PDXK: variants seen among roughly 807,000 people sequenced by gnomAD.
PDXK encodes the protein pyridoxal kinase, also known as epididymis secretory sperm binding protein Li 1a.
In PDXK, 15 loss-of-function variants were observed where a neutral mutation model predicts 43.2. That is an observed-to-expected ratio of 0.35 (90% confidence interval 0.23 to 0.53). PDXK has a LOEUF of 0.53. Among genes scored for constraint, PDXK ranks in the 20% least tolerant of loss-of-function variants. The pLI, the probability that PDXK is intolerant of heterozygous loss-of-function variation, is 0.92. For synonymous variants in PDXK, 172 were observed against 165.4 expected (o/e 1.04, Z -0.31); for missense variants, 343 against 417.0 (o/e 0.82, Z 1.54).
intron 8 of PDXK, 146 bp downstream of exon 8, chr21:43,752,775 C>T (rs772468436): frequency 1.5e-4 from 92 of 615,670 alleles, no homozygotes; most frequent in Non-Finnish European, 2.5e-4. Flanking sequence ...TACAGACTCT[C>T]AGGGATCAGG....
rs2083663851 is a variant in PDXK at position 43,747,795 on chromosome 21, C to T, written c.379-1200C>T. ...TGAACAAGAGTGGCCTAAACACGAG[C>T]TCCTGTCTCAGATGAGCGGTCACCC... On this transcript the variant is annotated intron_variant, in intron 5 of 10. Transcript: ENST00000291565. Among the ~76,000 whole-genome samples the T allele has an allele frequency of 3.3e-5, 5 of 152,238 alleles. No homozygotes were observed. In the South Asian group the frequency reaches 8.3e-4, roughly 25 times the overall value.
rs907135526 is a variant in PDXK at position 43,734,227 on chromosome 21, G to A, written c.142+104G>A. The A allele has an allele frequency of 1.3e-5, 14 of 1,095,024 alleles. No individual in the cohort carries two copies. The highest frequency in any genetic ancestry group is 1.8e-5 in the Admixed American group (1 of 56,498). The allele number at this position is 1,095,024 out of a possible 1,614,324, so 67.8% of individuals were successfully genotyped here. A position where few individuals can be genotyped will look rare whatever the true frequency, so the allele number is the denominator to read the frequency against. On this transcript the variant is annotated intron_variant, in intron 2 of 10. Coordinates refer to ENST00000291565, the MANE Select transcript of PDXK (RefSeq NM_003681.5). The surrounding 1 kb of genome is among the most constrained non-coding windows in gnomAD (Gnocchi z 5.0). ...GGGGCGGAGTGTGGGTGTGAGGGACGGGGCTTTCGTGTGGACGGGGACCTG... is the reference window on the plus strand; with the variant it reads ...GGGGCGGAGTGTGGGTGTGAGGGACAGGGCTTTCGTGTGGACGGGGACCTG...
intron 10 of PDXK, 68 bp downstream of exon 10, chr21:43,755,832 G>T (rs1419743100): frequency 4.7e-6 from 7 of 1,494,978 alleles, no homozygotes; most frequent in Non-Finnish European, 6.5e-6. Flanking sequence ...GAGAAGAGCT[G>T]GCACGTGCTG....
chr21:43,729,771 C>A (rs1601787950), intron 1 of PDXK, among the ~76,000 whole-genome samples: 1 of 151,990 alleles, frequency 6.6e-6, no homozygotes. Context: ...CAATATTTCT[C>A]CACAAAAAAT....
rs559931857 is a variant in PDXK, at chr21:43,760,173, T to G, written c.*4110T>G. 2,644 of 147,852 alleles carry G rather than the reference T, an allele frequency of 0.018. 34 individuals carry two copies. Among genetic ancestry groups the G allele is most frequent in the Middle Eastern group, 0.079 (21 of 266 alleles). 9.2% of individuals were successfully genotyped at this position (147,852 alleles called of 1,614,324 possible). A position where few individuals can be genotyped will look rare whatever the true frequency, so the allele number is the denominator to read the frequency against. ...GAGGTGGGAATCTTGGATTTTTTGT[T>G]TTTTTTTGTTTTTTTTTTTTTGAGG... is the stretch of plus-strand genomic sequence containing the variant. On this transcript the variant is annotated 3_prime_UTR_variant, in exon 11 of 11. Coordinates refer to ENST00000291565, the MANE Select transcript of PDXK (RefSeq NM_003681.5).
chr21:43,744,119 T>A (rs1206300308), intron 4 of PDXK, among the ~76,000 whole-genome samples: 1 of 151,480 alleles, frequency 6.6e-6, no homozygotes. Context: ...GTTGTGTGAC[T>A]ACACTCACCC....
chr21:43,729,226 G>T (rs1484890660), intron 1 of PDXK, among the ~76,000 whole-genome samples: 1 of 152,272 alleles, frequency 6.6e-6, no homozygotes, highest in African/African-American at 2.4e-5. Flanking sequence ...AGACAGCCAG[G>T]CTGTCCTGTG....
rs765826929 is a variant in PDXK, at chr21:43,732,413, G to A, written c.88-1656G>A. 1.7e-5 allele frequency: 28 copies of A among 1,612,884 alleles called. No homozygotes were observed. The highest frequency in any genetic ancestry group is 6.7e-5 in the East Asian group (3 of 44,886). ...TCTGGAAGCGTCCAGACCAGCTTGC[G>A]ATGCTGATGAATAAGCTGATTTTGA... On this transcript the variant is annotated intron_variant, in intron 1 of 10. Coordinates refer to ENST00000291565, the MANE Select transcript of PDXK (RefSeq NM_003681.5). The surrounding 1 kb of genome is among the most constrained non-coding windows in gnomAD (Gnocchi z 4.1).
intron 1 of PDXK, among the ~76,000 whole-genome samples, chr21:43,726,865 GTGTA>G (rs907269557): frequency 2.0e-5 from 3 of 152,148 alleles, no homozygotes; most frequent in Admixed American, 1.3e-4. Context: ...CATGGTGTGT[GTGTA>G]TGTGGGTGTG....
At chr21:43,731,399 CAG>C (rs1405333162) in intron 1 of PDXK, among the ~76,000 whole-genome samples, 16 of 152,250 alleles carry the variant, frequency 1.1e-4, no homozygotes, top group African/African-American at 3.1e-4. Context: ...CACCCACACT[CAG>C]GGGGTTGCCC....
chr21:43,743,941 A>G (rs2083592220), intron 4 of PDXK, 134 bp downstream of exon 4: 1 of 678,268 alleles, frequency 1.5e-6, no homozygotes, highest in Admixed American at 2.3e-5. Flanking sequence ...CGGGCCAGTG[A>G]ATTGTGTCTG....
At chr21:43,736,985 C>A in intron 2 of PDXK, 1 of 701,382 alleles carries the variant, frequency 1.4e-6, no homozygotes, top group Non-Finnish European at 2.6e-6. Context: ...CCCAGGCTGG[C>A]GTGAAGTGGC....
intron 1 of PDXK, chr21:43,728,784 G>A (rs117608778): frequency 0.019 from 18,355 of 985,728 alleles, 213 homozygotes; most frequent in Middle Eastern, 0.041. Flanking sequence ...GTCGCGGGCG[G>A]CAGGGGGAAG....
rs1176904280 is a variant in PDXK at position 43,735,885 on chromosome 21, C to T, written c.142+1762C>T. 2.0e-5 allele frequency among the ~76,000 whole-genome samples: 3 copies of T among 152,198 alleles called. No individual in the cohort carries two copies. Among genetic ancestry groups the T allele is most frequent in the African/African-American group, 7.2e-5 (3 of 41,460 alleles). ...CACCGGGGCCCTTCTGCCTGCTCCCCTTCCCTCGCCCCTGCCACACTGTGC... is the reference window on the plus strand; with the variant it reads ...CACCGGGGCCCTTCTGCCTGCTCCCTTTCCCTCGCCCCTGCCACACTGTGC... On this transcript the variant is annotated intron_variant, in intron 2 of 10. Transcript: ENST00000291565. This position sits in a 1 kb window ranked among gnomAD's most constrained non-coding sequence, Gnocchi z 5.3.
In PDXK at chr21:43,732,691, A is replaced by G. The variant is rs1250061513; in HGVS notation, c.88-1378A>G. The G allele has an allele frequency of 1.3e-6, 1 of 761,110 alleles. No homozygotes were observed. The highest frequency in any genetic ancestry group is 1.4e-5 in the South Asian group (1 of 72,964). The allele number at this position is 761,110 out of a possible 1,614,324, so 47.1% of individuals were successfully genotyped here. A position where few individuals can be genotyped will look rare whatever the true frequency, so the allele number is the denominator to read the frequency against. ...TTGAAATACTGCAAGCTATCTGTGTATAGAGGCTGTGGATTCGGGCTGGTA... is the reference window on the plus strand; with the variant it reads ...TTGAAATACTGCAAGCTATCTGTGTGTAGAGGCTGTGGATTCGGGCTGGTA... On this transcript the variant is annotated intron_variant, in intron 1 of 10. Coordinates refer to ENST00000291565, the MANE Select transcript of PDXK (RefSeq NM_003681.5). The surrounding 1 kb of genome is among the most constrained non-coding windows in gnomAD (Gnocchi z 4.1).
At position 43,743,756 on chromosome 21, in the gene PDXK, G is replaced by A. The variant is rs746551697; in HGVS notation, c.280G>A (p.Val94Met). 3 of 1,613,748 alleles carry A rather than the reference G, an allele frequency of 1.9e-6. No individual in the cohort carries two copies. The highest frequency in any genetic ancestry group is 1.3e-5 in the African/African-American group (1 of 74,896). The change falls in exon 4 of 11, where the codon GTG (valine) becomes ATG (methionine). Residue 94 changes from valine to methionine, a missense_variant. By Grantham distance (21) the Val-to-Met change is conservative. Coordinates refer to ENST00000291565, the MANE Select transcript of PDXK (RefSeq NM_003681.5). Reference protein sequence around the residue: ...YTRDKSFLAMVVDIVQELKQQ... With the variant: ...YTRDKSFLAMMVDIVQELKQQ... ...GAGGGACAAGTCGTTCCTGGCCATG[G>A]TGGTGGACATTGTGCAGGAGCTGAA...
intron 1 of PDXK, among the ~76,000 whole-genome samples, chr21:43,721,426 C>T (rs1054202188): frequency 6.6e-6 from 1 of 152,264 alleles, no homozygotes; most frequent in African/African-American, 2.4e-5. Context: ...TAGCCTCTGG[C>T]TGGGCCCCAG....
intron 1 of PDXK, among the ~76,000 whole-genome samples, chr21:43,730,702 C>T (rs751369641): frequency 1.3e-5 from 2 of 152,016 alleles, no homozygotes; most frequent in Non-Finnish European, 2.9e-5. Flanking sequence ...ACCTGTAGTC[C>T]CAGCACTTTG....
At chr21:43,725,133 C>T (rs900559348) in intron 1 of PDXK, among the ~76,000 whole-genome samples, 1 of 151,914 alleles carries the variant, frequency 6.6e-6, no homozygotes, top group Admixed American at 6.6e-5. Context: ...ACCAGTCTGG[C>T]TAACACGGTA....
Sources: gnomAD v4.1 joint callset for allele counts (sites outside exome capture counted in the v4.1 genomes callset) on GRCh38, gnomAD v4.1.1 for gene constraint, Gnocchi (gnomAD v3.1) non-coding constraint, MANE v1.5 for transcripts, NCBI Gene and HGNC (gene_info 2026-07-23, HGNC 2026-07-21) for gene names.